The following ERICH3 variants were observed in gnomAD, a reference collection of about 807,000 sequenced individuals.
ERICH3 encodes glutamate-rich protein 3.
ERICH3 carries 126 observed loss-of-function variants against 131.1 expected under a neutral mutation model. The ratio of observed to expected loss-of-function variants is 0.96; its 90% CI spans 0.83 to 1.11. ERICH3 has a LOEUF of 1.11. ERICH3 is among the 50% of genes most tolerant of loss of function. The pLI is 0.00. For synonymous variants in ERICH3, 695 were observed against 644.6 expected (o/e 1.08, Z -1.18); for missense variants, 2,050 against 1,810.7 (o/e 1.13, Z -2.40).
At chr1:74,625,224 A>C (rs2100616276) in intron 7 of ERICH3, 1 of 152,046 alleles carries the variant, frequency 6.6e-6, no homozygotes, top group South Asian at 2.1e-4. Flanking sequence ...ATTTTTAAAA[A>C]CCCACATTTT....
At chr1:74,627,561 C>T (rs765074763) in intron 7 of ERICH3, among the ~76,000 whole-genome samples, 2 of 152,126 alleles carry the variant, frequency 1.3e-5, no homozygotes, top group Admixed American at 1.3e-4. Flanking sequence ...ACACAATCCA[C>T]CCCTATGTTA....
rs938161850 is a variant in ERICH3, at chr1:74,571,029, A to G, written c.*18+70T>C. 7 of 1,520,630 alleles carry G rather than the reference A, an allele frequency of 4.6e-6. No individual in the cohort carries two copies. In the African/African-American group the frequency reaches 5.5e-5, roughly 12 times the overall value. 94.2% of individuals were successfully genotyped at this position (1,520,630 alleles called of 1,614,324 possible). A position where few individuals can be genotyped will look rare whatever the true frequency, so the allele number is the denominator to read the frequency against. On this transcript the variant is annotated intron_variant, in intron 14 of 14. Coordinates refer to ENST00000326665, the MANE Select transcript of ERICH3 (RefSeq NM_001002912.5). ...ACAGACACCAATAAAGGGACAAGCC[A>G]GCCCCAAGGGGAGGAGACCCACCGC...
chr1:74,652,546 C>CT (rs35132035), intron 1 of ERICH3, among the ~76,000 whole-genome samples: 139 of 147,600 alleles, frequency 9.4e-4, no homozygotes, highest in African/African-American at 1.1e-3. Flanking sequence ...CTTTTCTTTT[C>CT]TTTTTTTTTT....
intron 12 of ERICH3, among the ~76,000 whole-genome samples, chr1:74,586,862 A>G (rs1050061295): frequency 6.6e-6 from 1 of 152,180 alleles, no homozygotes; most frequent in Non-Finnish European, 1.5e-5. Context: ...AACTTTGTAA[A>G]TCCTAAGTTG....
intron 10 of ERICH3, among the ~76,000 whole-genome samples, chr1:74,603,089 A>G (rs992078620): frequency 9.2e-5 from 14 of 152,018 alleles, no homozygotes; most frequent in African/African-American, 3.4e-4. Context: ...GGGGAAGAAG[A>G]TACCTAGAAG....
intron 4 of ERICH3, 95 bp from the exon 5 acceptor site, chr1:74,641,554 A>G (rs1570900375): frequency 7.4e-7 from 1 of 1,344,272 alleles, no homozygotes; most frequent in East Asian, 2.6e-5. Flanking sequence ...GACTAAAGAA[A>G]TTCTTTCTCA....
Position 74,606,759 on chromosome 1 carries a change from T to G in ERICH3, c.1331A>C (p.Glu444Ala). The part of the protein sequence containing the change: ...EREYVIPKRN[E>A]IKENKTSVSA... ...AACAGAGGTTTTGTTCTCCTTGATC[T>G]CATTTCTTTTTGGTATCACATACTC... The change falls in exon 10 of 15, where the codon GAG becomes GCG. Residue 444 changes from glutamate (E) to alanine (A), a missense_variant. Physicochemically the swap from Glu to Ala is moderately radical, Grantham distance 107 (BLOSUM62 -1). Coordinates refer to ENST00000326665, the MANE Select transcript of ERICH3 (RefSeq NM_001002912.5). 1.2e-6 allele frequency: 2 copies of G among 1,613,466 alleles called. No homozygotes were observed. The highest frequency in any genetic ancestry group is 3.3e-4 in the Middle Eastern group (2 of 6,060).
intron 11 of ERICH3, among the ~76,000 whole-genome samples, chr1:74,595,284 G>A (rs967736810): frequency 6.6e-6 from 1 of 152,080 alleles, no homozygotes; most frequent in Non-Finnish European, 1.5e-5. Flanking sequence ...CTCAATAAAT[G>A]TTGTAGGATG....
intron 7 of ERICH3, chr1:74,624,664 T>C (rs763618961): frequency 6.6e-6 from 1 of 152,578 alleles, no homozygotes; most frequent in Non-Finnish European, 1.5e-5. Flanking sequence ...ACAGAAATGA[T>C]AATAAGGGTT....
At chr1:74,653,427 GAGAGAGAGAGAGGAGAA>G (rs1003745046) in intron 1 of ERICH3, among the ~76,000 whole-genome samples, 143 of 151,926 alleles carry the variant, frequency 9.4e-4, no homozygotes, top group Non-Finnish European at 1.8e-3. Flanking sequence ...GAACGAGAGA[GAGAGAGAGAGAGGAGAA>G]AGAGAGAGAG....
chr1:74,602,606 C>T (rs1557678743), intron 10 of ERICH3, among the ~76,000 whole-genome samples: 1 of 151,834 alleles, frequency 6.6e-6, no homozygotes, highest in South Asian at 2.1e-4. Flanking sequence ...TAAACCCTTG[C>T]GGCTGTGGCT....
intron 1 of ERICH3, among the ~76,000 whole-genome samples, chr1:74,662,441 C>T (rs1013665236): frequency 4.6e-5 from 7 of 151,718 alleles, no homozygotes; most frequent in African/African-American, 1.5e-4. Flanking sequence ...GAGAGATTCC[C>T]AACTATTGAC....
intron 12 of ERICH3, among the ~76,000 whole-genome samples, chr1:74,580,185 T>A (rs1647152816): frequency 6.6e-6 from 1 of 152,098 alleles, no homozygotes; most frequent in African/African-American, 2.4e-5. Flanking sequence ...CAAGTATTTT[T>A]TACTCGATTC....
At chr1:74,579,867 T>G in intron 12 of ERICH3, 1 of 985,188 alleles carries the variant, frequency 1.0e-6, no homozygotes, top group Non-Finnish European at 1.2e-6. Flanking sequence ...ACAGCATTAG[T>G]TGCCAAATGG....
In ERICH3 at chr1:74,569,308, G is replaced by A. The variant is rs1398743255; in HGVS notation, c.*1150C>T. 6.6e-6 allele frequency: 1 copy of A among 152,078 alleles called. No individual in the cohort carries two copies. Among genetic ancestry groups the A allele is most frequent in the Non-Finnish European group, 1.5e-5 (1 of 68,018 alleles). 9.4% of individuals were successfully genotyped at this position (152,078 alleles called of 1,614,324 possible). A position where few individuals can be genotyped will look rare whatever the true frequency, so the allele number is the denominator to read the frequency against. ...TGAAAATCTAATGTATATTCTGGCT[G>A]GAAAATCACTGCTTAAGGAAATTTT... On this transcript the variant is annotated 3_prime_UTR_variant, in exon 15 of 15. Coordinates refer to ENST00000326665, the MANE Select transcript of ERICH3 (RefSeq NM_001002912.5).
intron 10 of ERICH3, among the ~76,000 whole-genome samples, chr1:74,606,225 C>A (rs1001721760): frequency 2.6e-5 from 4 of 151,922 alleles, no homozygotes; most frequent in Non-Finnish European, 5.9e-5. Flanking sequence ...GTTGTACCTA[C>A]CTGATGTCAA....
At chr1:74,597,386 A>G (rs1256673561) in intron 11 of ERICH3, among the ~76,000 whole-genome samples, 1 of 152,086 alleles carries the variant, frequency 6.6e-6, no homozygotes, top group African/African-American at 2.4e-5. Flanking sequence ...AGCATGCAAA[A>G]GAGCCCTTTA....
intron 11 of ERICH3, among the ~76,000 whole-genome samples, chr1:74,594,095 C>T (rs569365805): frequency 1.3e-5 from 2 of 152,198 alleles, no homozygotes; most frequent in East Asian, 1.9e-4. Context: ...TCAGAGTCCA[C>T]TTAAAATATT....
In ERICH3 at chr1:74,641,321, TA is replaced by T; in HGVS notation, c.444+9del. 2 of 1,611,442 alleles carry T rather than the reference TA, an allele frequency of 1.2e-6. No individual in the cohort carries two copies. The highest frequency in any genetic ancestry group is 1.7e-6 in the Non-Finnish European group (2 of 1,178,940). On this transcript the variant is annotated intron_variant, in intron 5 of 14. Coordinates refer to ENST00000326665, the MANE Select transcript of ERICH3 (RefSeq NM_001002912.5). Reference sequence around the variant, plus strand: ...GGATACTGCATGACGAAGTGTTTAATATTACTCACCAGTGCTAACGGACTGG... The same window carrying T: ...GGATACTGCATGACGAAGTGTTTAATTTACTCACCAGTGCTAACGGACTGG...
Sources: gnomAD v4.1 joint callset for allele counts (sites outside exome capture counted in the v4.1 genomes callset) on GRCh38, gnomAD v4.1.1 for gene constraint, MANE v1.5 for transcripts, NCBI Gene and HGNC (gene_info 2026-07-23, HGNC 2026-07-21) for gene names.